The following UGP2 variants were observed in gnomAD, a reference collection of about 807,000 sequenced individuals.
The protein encoded by UGP2 is UDP-glucose pyrophosphorylase 2.
In UGP2, 40 loss-of-function variants were observed where a neutral mutation model predicts 49.0. That is an observed-to-expected ratio of 0.82 (90% CI 0.63 to 1.06). The LOEUF is 1.06. Ranked by LOEUF, UGP2 falls within the 50% of genes least tolerant of loss-of-function variation. The pLI is 0.00. For synonymous variants in UGP2, 225 were observed against 213.0 expected (o/e 1.06, Z -0.49); for missense variants, 460 against 603.5 (o/e 0.76, Z 2.49).
At chr2:63,849,175 C>T (rs769636609) in intron 1 of UGP2, among the ~76,000 whole-genome samples, 1 of 152,174 alleles carries the variant, frequency 6.6e-6, no homozygotes, top group African/African-American at 2.4e-5. Context: ...CATTAATTGT[C>T]TTCATGGACC....
chr2:63,891,131 CATCATTGCAA>C lies in UGP2; in HGVS notation c.1437_1446del (p.Ile479MetfsTer13). On this transcript the variant is annotated frameshift_variant, in exon 10 of 10. Transcript: ENST00000337130. LOFTEE classifies it high-confidence loss of function. The stretch of plus-strand genomic sequence containing the variant: ...TCCCTGTCACTTAGGGAACGGTTAT[CATCATTGCAA>C]ATCATGGTGACAGAATTGATATCCC... 1 of 1,612,982 alleles carries C rather than the reference CATCATTGCAA, an allele frequency of 6.2e-7. No homozygotes were observed. The highest frequency in any genetic ancestry group is 8.5e-7 in the Non-Finnish European group (1 of 1,179,462).
chr2:63,846,379 A>T (rs1316774454), intron 1 of UGP2, among the ~76,000 whole-genome samples: 1 of 152,186 alleles, frequency 6.6e-6, no homozygotes, highest in Non-Finnish European at 1.5e-5. Context: ...TGAAGAGAGT[A>T]ATGTTGTCTA....
In UGP2 at chr2:63,842,212, A is replaced by C. The variant is rs1671601838; in HGVS notation, c.19+8A>C. ...TGTCGAGATTTGTACAAGGTAAGAA[A>C]TGCTGCTGCTTATATCCCGAGTTGC... is the stretch of plus-strand genomic sequence containing the variant. On this transcript the variant is annotated splice_region_variant and intron_variant, in intron 1 of 9. Transcript: ENST00000337130. 1 of 1,608,050 alleles carries C rather than the reference A, an allele frequency of 6.2e-7. No individual in the cohort carries two copies. Among genetic ancestry groups the C allele is most frequent in the African/African-American group, 1.3e-5 (1 of 74,300 alleles).
Position 63,887,390 on chromosome 2 carries a change from A to G in UGP2, c.1072-12A>G, listed in dbSNP as rs1671760914. The G allele has an allele frequency of 6.8e-6, 11 of 1,613,628 alleles. No homozygotes were observed. The highest frequency in any genetic ancestry group is 8.5e-6 in the Non-Finnish European group (10 of 1,179,824). ...CCTCTGTTTTCTATTCCCCACCCCT[A>G]ATTTCTTACAGACTTTGGATGGAGG... On this transcript the variant is annotated splice_polypyrimidine_tract_variant and intron_variant, in intron 7 of 9. Coordinates refer to ENST00000337130, the MANE Select transcript of UGP2 (RefSeq NM_006759.4).
chr2:63,885,693 A>G lies in UGP2; in HGVS notation c.680A>G (p.Tyr227Cys), dbSNP rs1671625967. 1 of 1,613,906 alleles carries G rather than the reference A, an allele frequency of 6.2e-7. No homozygotes were observed. The highest frequency in any genetic ancestry group is 1.7e-5 in the Admixed American group (1 of 59,980). The change falls in exon 6 of 10, where the codon TAC (tyrosine) becomes TGC (cysteine). Residue 227 changes from tyrosine to cysteine, a missense_variant. By Grantham distance (194) the Tyr-to-Cys change is radical. Coordinates refer to ENST00000337130, the MANE Select transcript of UGP2 (RefSeq NM_006759.4). ...TACCCTCCAGGTCATGGTGATATTT[A>G]CGCCAGTTTCTACAACTCTGGATTG... Reference protein sequence around the residue: ...AWYPPGHGDIYASFYNSGLLD... With the variant: ...AWYPPGHGDICASFYNSGLLD...
intron 3 of UGP2, among the ~76,000 whole-genome samples, chr2:63,872,078 G>T (rs999290299): frequency 3.3e-5 from 5 of 152,330 alleles, no homozygotes; most frequent in Middle Eastern, 3.4e-3. Context: ...ATGAAAACAA[G>T]TGGCAGCTCT....
intron 3 of UGP2, among the ~76,000 whole-genome samples, chr2:63,859,769 T>C (rs1436315407): frequency 1.3e-5 from 2 of 152,258 alleles, no homozygotes; most frequent in African/African-American, 2.4e-5. Context: ...AAAGTGTCTT[T>C]ATTTTGAAGC....
chr2:63,877,751 G>T (rs917085543), intron 3 of UGP2, among the ~76,000 whole-genome samples: 1 of 151,736 alleles, frequency 6.6e-6, no homozygotes, highest in African/African-American at 2.4e-5. Flanking sequence ...CCCAGCACTT[G>T]GGGAGGCCGA....
intron 1 of UGP2, among the ~76,000 whole-genome samples, chr2:63,847,649 C>T (rs151328495): frequency 0.055 from 8,410 of 151,968 alleles, 386 homozygotes; most frequent in South Asian, 0.13. Flanking sequence ...TGTTCTCTGG[C>T]GGGCAGGAGT....
chr2:63,887,886 G>A (rs569323333), intron 8 of UGP2: 287 of 492,688 alleles, frequency 5.8e-4, no homozygotes, highest in African/African-American at 5.1e-3. Flanking sequence ...TTTATCTTCT[G>A]TCTCTTCCAA....
At chr2:63,869,973 A>T (rs1201937852) in intron 3 of UGP2, among the ~76,000 whole-genome samples, 1 of 143,920 alleles carries the variant, frequency 6.9e-6, no homozygotes, top group African/African-American at 2.6e-5. Context: ...CCCAGGCTGG[A>T]GTGCAGTGGC....
intron 3 of UGP2, among the ~76,000 whole-genome samples, chr2:63,874,927 G>A (rs1171811720): frequency 2.6e-5 from 4 of 152,030 alleles, no homozygotes; most frequent in African/African-American, 9.7e-5. Flanking sequence ...CTTCTTTCTT[G>A]TACAGCTTGC....
intron 7 of UGP2, 98 bp from the exon 8 acceptor site, chr2:63,887,304 T>G: frequency 6.7e-7 from 1 of 1,497,082 alleles, no homozygotes; most frequent in Non-Finnish European, 9.0e-7. Context: ...TCAATGGATC[T>G]CTGAAATCAC....
At chr2:63,880,173 A>G (rs1422871095) in intron 3 of UGP2, among the ~76,000 whole-genome samples, 2 of 23,166 alleles carry the variant, frequency 8.6e-5, no homozygotes, top group Non-Finnish European at 8.8e-5. Context: ...CCTTCCCCCT[A>G]CCCCTCCCCC....
rs75758710 is a variant in UGP2 at position 63,881,869 on chromosome 2, T to A, written c.256-597T>A. 9.6e-3 allele frequency among the ~76,000 whole-genome samples: 1,460 copies of A among 152,342 alleles called. 21 individuals carry two copies. The highest frequency in any genetic ancestry group is 0.034 in the African/African-American group (1,415 of 41,572). On this transcript the variant is annotated intron_variant, in intron 3 of 9. Transcript: ENST00000337130. Reference sequence around the variant, plus strand: ...CTTTTATATGGTGACACCTGAAAGTTAAATTCTTGAGGAAGGAATTCTGTC... The same window carrying A: ...CTTTTATATGGTGACACCTGAAAGTAAAATTCTTGAGGAAGGAATTCTGTC...
intron 1 of UGP2, among the ~76,000 whole-genome samples, chr2:63,852,086 C>G (rs1387067965): frequency 6.6e-6 from 1 of 152,128 alleles, no homozygotes; most frequent in African/African-American, 2.4e-5. Flanking sequence ...TTAAACCAAT[C>G]ACTAGGAAGG....
At chr2:63,847,422 G>A (rs960924878) in intron 1 of UGP2, among the ~76,000 whole-genome samples, 1 of 152,156 alleles carries the variant, frequency 6.6e-6, no homozygotes, top group Non-Finnish European at 1.5e-5. Context: ...GAAATATACT[G>A]TAGTTTCCTA....
At position 63,879,707 on chromosome 2, in the gene UGP2, T is replaced by A. The variant is rs528618128; in HGVS notation, c.256-2759T>A. ...CAGATGCATGGCAGTGTTCCTTTTT[T>A]AAAAATGTTATTCTTTCAACTGTAT... On this transcript the variant is annotated intron_variant, in intron 3 of 9. Coordinates refer to ENST00000337130, the MANE Select transcript of UGP2 (RefSeq NM_006759.4). Among the ~76,000 whole-genome samples the A allele has an allele frequency of 4.9e-4, 75 of 152,320 alleles. 2 individuals are homozygous for A. Among genetic ancestry groups the A allele is most frequent in the Admixed American group, 3.9e-3 (59 of 15,306 alleles).
intron 1 of UGP2, among the ~76,000 whole-genome samples, chr2:63,844,603 C>T (rs1228865164): frequency 1.3e-5 from 2 of 152,108 alleles, no homozygotes; most frequent in Non-Finnish European, 2.9e-5. Context: ...CACTTTGTTG[C>T]CAGGCTGGAG....
Sources: allele counts gnomAD v4.1 joint callset (sites outside exome capture counted in the v4.1 genomes callset), GRCh38; gene constraint gnomAD v4.1.1; transcripts MANE v1.5; gene names NCBI Gene and HGNC (gene_info 2026-07-23, HGNC 2026-07-21).